Variants in PUM1 observed in about 807,000 individuals in gnomAD.
PUM1 encodes pumilio RNA binding family member 1.
A neutral mutation model predicts 131.8 loss-of-function variants in PUM1; 13 were observed. The observed-to-expected ratio is 0.10, with a 90% confidence interval of 0.06 to 0.16. The LOEUF is 0.16. PUM1 is among the 10% of genes least tolerant of loss of function. The probability of loss-of-function intolerance (pLI) is 1.00; values close to 1 mark genes in which losing one functional copy is unlikely to be tolerated. For missense variants in PUM1, 961 were observed against 1,512.4 expected, an observed-to-expected ratio of 0.64 and a Z score of 6.05; for synonymous variants, 509 against 556.5, an observed-to-expected ratio of 0.91 and a Z score of 1.20.
intron 5 of PUM1, among the ~76,000 whole-genome samples, chr1:30,998,058 T>TG (rs1642048262): frequency 1.3e-5 from 2 of 152,202 alleles, no homozygotes; most frequent in Admixed American, 1.3e-4. Context: ...ACCAAAATGG[T>TG]GGGCTCCTTC....
chr1:30,964,832 C>T lies in PUM1; in HGVS notation c.2165G>A (p.Ser722Asn). 6.2e-7 allele frequency: 1 copy of T among 1,614,114 alleles called. No homozygotes were observed. Among genetic ancestry groups the T allele is most frequent in the Non-Finnish European group, 8.5e-7 (1 of 1,180,022 alleles). ...ACTGTGTCCAATGGGGGTCAAGCTGCTCGATGTCCTCTTATAAAGGTCACT... is the reference window on the plus strand; with the variant it reads ...ACTGTGTCCAATGGGGGTCAAGCTGTTCGATGTCCTCTTATAAAGGTCACT... ...GSSDLYKRTS[S>N]SLTPIGHSFY... The change falls in exon 14 of 22, where the codon AGC (serine) becomes AAC (asparagine). Residue 722 changes from serine (S) to asparagine (N), a missense_variant. This residue lies in a region of PUM1 where 654 missense variants were observed against 923.9 expected (regional missense o/e 0.71). Transcript: ENST00000426105.
Position 30,968,453 on chromosome 1 carries a change from T to C in PUM1, c.1546A>G (p.Asn516Asp). ...GTTTGCTGTCCCTGCTGGTTCTGGTTTGGGGTCAAAGGACGTTGGCTGGCT... is the reference window on the plus strand; with the variant it reads ...GTTTGCTGTCCCTGCTGGTTCTGGTCTGGGGTCAAAGGACGTTGGCTGGCT... The part of the protein sequence containing the change: ...GGASQRPLTP[N>D]QNQQGQQTDP... Residue 516 changes from asparagine to aspartate, a missense_variant, in exon 11 of 22, where the codon AAC (asparagine) becomes GAC (aspartate). By Grantham distance (23) the Asn-to-Asp change is conservative. Coordinates refer to ENST00000426105, the MANE Select transcript of PUM1 (RefSeq NM_001020658.2). 6.3e-7 allele frequency: 1 copy of C among 1,596,260 alleles called. No individual in the cohort carries two copies. Among genetic ancestry groups the C allele is most frequent in the South Asian group, 1.1e-5 (1 of 87,580 alleles).
chr1:31,027,046 A>G (rs184118034), intron 3 of PUM1, among the ~76,000 whole-genome samples: 2 of 152,306 alleles, frequency 1.3e-5, no homozygotes, highest in African/African-American at 4.8e-5. Flanking sequence ...CCCTCTACTG[A>G]AATTGTTTGC....
chr1:31,037,245 C>T (rs1036973753), intron 2 of PUM1: 6 of 152,566 alleles, frequency 3.9e-5, no homozygotes, highest in African/African-American at 1.2e-4. Context: ...GATCGTAACA[C>T]TTGGACCATA....
chr1:30,965,643 C>G (rs887497756), intron 13 of PUM1, among the ~76,000 whole-genome samples: 2 of 152,230 alleles, frequency 1.3e-5, no homozygotes, highest in Non-Finnish European at 2.9e-5. Context: ...TGGAGTATTT[C>G]AGCTCTGCTA....
At chr1:31,047,548 G>C (rs1439983616) in intron 2 of PUM1, among the ~76,000 whole-genome samples, 2 of 152,210 alleles carry the variant, frequency 1.3e-5, no homozygotes, top group Non-Finnish European at 2.9e-5. Context: ...TTAGCCTGCA[G>C]AGTATTCAGC....
At chr1:30,941,389 G>T in intron 19 of PUM1, 117 bp from the exon 20 acceptor site, 2 of 1,028,794 alleles carry the variant, frequency 1.9e-6, no homozygotes, top group African/African-American at 1.6e-5. Context: ...CGGTTTATAT[G>T]AATACTAATG....
intron 3 of PUM1, among the ~76,000 whole-genome samples, chr1:31,008,410 A>C (rs1050488102): frequency 1.6e-4 from 24 of 150,144 alleles, no homozygotes; most frequent in Admixed American, 4.0e-4. Flanking sequence ...AAAAAAAAAA[A>C]CATTTGTCTG....
At position 31,059,391 on chromosome 1, in the gene PUM1, C is replaced by T. The variant is rs1557610799; in HGVS notation, c.176G>A (p.Gly59Glu). The T allele has an allele frequency of 6.2e-7, 1 of 1,614,108 alleles. No individual in the cohort carries two copies. The change falls in exon 2 of 22, where the codon GGG (glycine) becomes GAG (glutamate). Residue 59 changes from glycine to glutamate, a missense_variant. Around this residue, in one of 4 missense-constraint regions of PUM1, gnomAD observed 654 missense variants for 923.9 expected, o/e 0.71. Transcript: ENST00000426105. ...QPAANQALAA[G>E]THSSPVPGSI... ...TCCTGGGACAGGGCTGGAGTGAGTC[C>T]CAGCTGCAAGAGCCTGATTTGCAGC...
chr1:30,954,254 G>A (rs1046329981), intron 14 of PUM1, among the ~76,000 whole-genome samples: 1 of 152,164 alleles, frequency 6.6e-6, no homozygotes, highest in Non-Finnish European at 1.5e-5. Context: ...ATGGCCCCTA[G>A]TAAATGAAAT....
At position 31,046,279 on chromosome 1, in the gene PUM1, G is replaced by A. The variant is rs181709915; in HGVS notation, c.363+12925C>T. On this transcript the variant is annotated intron_variant, in intron 2 of 21. Transcript: ENST00000426105. ...CGCACGCCTGTAATCACAGCTACTC[G>A]GGAGGCTAAGGCAGGAGAATTGCTT... Among the ~76,000 whole-genome samples the A allele has an allele frequency of 1.6e-3, 242 of 151,544 alleles. 1 individual carries two copies. The highest frequency in any genetic ancestry group is 4.7e-3 in the African/African-American group (195 of 41,354).
At chr1:30,947,541 C>T (rs1328355766) in intron 17 of PUM1, among the ~76,000 whole-genome samples, 1 of 152,162 alleles carries the variant, frequency 6.6e-6, no homozygotes, top group African/African-American at 2.4e-5. Context: ...TTGACTGGAG[C>T]CCTTCCCCCA....
At chr1:30,969,316 C>CAAAAAAAAAAAAAAAAAAAAAA (rs763999971) in intron 10 of PUM1, among the ~76,000 whole-genome samples, 2 of 51,180 alleles carry the variant, frequency 3.9e-5, no homozygotes, top group African/African-American at 1.5e-4. Context: ...AACACACACA[C>CAAAAAAAAAAAAAAAAAAAAAA]AAAAAAAAAA....
intron 21 of PUM1, 97 bp from the exon 22 acceptor site, chr1:30,933,439 T>TACACATACACAC (rs1553142806): frequency 1.9e-5 from 7 of 363,892 alleles, no homozygotes; most frequent in African/African-American, 2.5e-5. Context: ...CACACACACA[T>TACACATACACAC]ACACACACAC....
At position 30,992,432 on chromosome 1, in the gene PUM1, T is replaced by C; in HGVS notation, c.1116A>G (p.Ala372=). Residue 372 remains alanine, a synonymous_variant, in exon 7 of 22, where the codon GCA becomes GCG. Transcript: ENST00000426105. ...YSGTQVPVDS[A]AATVGLFDYN... is the part of the protein sequence containing the mutation. ...AGTCAAAAAGTCCCACAGTTGCTGC[T>C]GCTGAGTCCACAGGTACCTGCGTGC... The C allele has an allele frequency of 1.2e-6, 2 of 1,614,204 alleles. No individual in the cohort carries two copies. The highest frequency in any genetic ancestry group is 1.7e-6 in the Non-Finnish European group (2 of 1,180,030).
In PUM1 at chr1:30,947,561, C is replaced by A. The variant is rs140957868; in HGVS notation, c.2857-2078G>T. Among the ~76,000 whole-genome samples, 3 of 152,264 alleles carry A rather than the reference C, an allele frequency of 2.0e-5. No individual in the cohort carries two copies. The East Asian group carries it at 5.8e-4, about 29-fold the overall frequency. On this transcript the variant is annotated intron_variant, in intron 17 of 21. Coordinates refer to ENST00000426105, the MANE Select transcript of PUM1 (RefSeq NM_001020658.2). The stretch of plus-strand genomic sequence containing the variant: ...TGGAGCCCTTCCCCCAAACTCATTG[C>A]CCCAGGTCTTAGGTATCTTGAAATT...
rs1456629690 is a variant in PUM1, at chr1:30,934,800, T to C, written c.3436-1458A>G. On this transcript the variant is annotated intron_variant, in intron 21 of 21. Coordinates refer to ENST00000426105, the MANE Select transcript of PUM1 (RefSeq NM_001020658.2). ...GACAAGTCCAGGCACTTCACCTTTG[T>C]ACTTCCCCAGAACAAAACAAAACAA... Among the ~76,000 whole-genome samples, 3 of 152,236 alleles carry C rather than the reference T, an allele frequency of 2.0e-5. No homozygotes were observed. The East Asian group carries it at 5.8e-4, about 29-fold the overall frequency.
At chr1:30,996,388 G>A (rs1383113329) in intron 5 of PUM1, among the ~76,000 whole-genome samples, 2 of 152,200 alleles carry the variant, frequency 1.3e-5, no homozygotes, top group African/African-American at 4.8e-5. Flanking sequence ...CAGACACTCG[G>A]TTATAAATAG....
Position 30,971,973 on chromosome 1 carries a change from T to G in PUM1, c.1506+2678A>C, listed in dbSNP as rs181688149. 7.6e-4 allele frequency among the ~76,000 whole-genome samples: 116 copies of G among 152,054 alleles called. 1 individual carries two copies. Among genetic ancestry groups the G allele is most frequent in the African/African-American group, 2.7e-3 (110 of 41,486 alleles). On this transcript the variant is annotated intron_variant, in intron 10 of 21. Transcript: ENST00000426105. Reference sequence around the variant, plus strand: ...AAAGAGCAGTTATTAAGAAATTTATTTGCTAGGTGCAGTGGTTCACACCTG... The same window carrying G: ...AAAGAGCAGTTATTAAGAAATTTATGTGCTAGGTGCAGTGGTTCACACCTG...
Sources: allele counts gnomAD v4.1 joint callset (sites outside exome capture counted in the v4.1 genomes callset), GRCh38; gene constraint gnomAD v4.1.1; regional missense constraint gnomAD v4.1.1; transcripts MANE v1.5; gene names NCBI Gene and HGNC (gene_info 2026-07-23, HGNC 2026-07-21).